NUP58: variants seen among roughly 807,000 people sequenced by gnomAD.
NUP58 encodes the protein nucleoporin p58/p45.
Under a neutral mutation model 70.1 loss-of-function variants are expected in NUP58, and 17 were observed. The observed-to-expected ratio is 0.24, with a 90% CI of 0.17 to 0.36. The LOEUF is 0.36. NUP58 is among the 10% of genes least tolerant of loss of function. NUP58 has a pLI of 1.00. For synonymous variants in NUP58, 275 were observed against 257.6 expected, an observed-to-expected ratio of 1.07 and a Z score of -0.65; for missense variants, 644 against 701.5, an observed-to-expected ratio of 0.92 and a Z score of 0.93.
chr13:25,335,833 A>AG (rs1261466010), intron 13 of NUP58: 2 of 1,007,166 alleles, frequency 2.0e-6, no homozygotes, highest in African/African-American at 3.5e-5. Context: ...TTACTTTGAC[A>AG]GTTCCCTCAT....
chr13:25,301,929 C>A, intron 1 of NUP58, 49 bp downstream of exon 1: 1 of 1,247,032 alleles, frequency 8.0e-7, no homozygotes, highest in Non-Finnish European at 1.1e-6. Context: ...CCCACCCCCA[C>A]CCCCGCAAAG....
intron 3 of NUP58, among the ~76,000 whole-genome samples, chr13:25,348,146 T>C (rs1001954049): frequency 2.6e-5 from 4 of 152,192 alleles, no homozygotes; most frequent in Admixed American, 6.6e-5. Flanking sequence ...TCTATTTAAA[T>C]TTAAAAACTG....
At chr13:25,339,293 T>TA (rs2031884784) in intron 15 of NUP58, among the ~76,000 whole-genome samples, 1 of 152,210 alleles carries the variant, frequency 6.6e-6, no homozygotes, top group Non-Finnish European at 1.5e-5. Flanking sequence ...TAGGGACAAA[T>TA]ACCATATCTA....
chr13:25,344,546 T>G (rs1339900363), downstream of NUP58, among the ~76,000 whole-genome samples: 3 of 152,220 alleles, frequency 2.0e-5, no homozygotes, highest in Non-Finnish European at 4.4e-5. Context: ...GTGGGGAGGC[T>G]ATTCTAGGAC....
intron 12 of NUP58, among the ~76,000 whole-genome samples, chr13:25,330,496 A>G (rs1254184648): frequency 6.6e-6 from 1 of 152,248 alleles, no homozygotes; most frequent in Non-Finnish European, 1.5e-5. Context: ...AATGTTTACT[A>G]ATTTCTGCTA....
intron 12 of NUP58, among the ~76,000 whole-genome samples, chr13:25,327,975 C>T (rs1191426688): frequency 1.3e-5 from 2 of 151,888 alleles, no homozygotes; most frequent in African/African-American, 4.8e-5. Flanking sequence ...CCGAGGCGGG[C>T]GAATCACAAA....
chr13:25,309,030 A>G (rs1402818281), intron 2 of NUP58, among the ~76,000 whole-genome samples: 1 of 152,210 alleles, frequency 6.6e-6, no homozygotes, highest in Non-Finnish European at 1.5e-5. Flanking sequence ...CATTTTATAA[A>G]TTTTATTCCT....
At chr13:25,317,196 C>T (rs1248059442) in intron 6 of NUP58, among the ~76,000 whole-genome samples, 1 of 152,090 alleles carries the variant, frequency 6.6e-6, no homozygotes, top group Non-Finnish European at 1.5e-5. Context: ...AGGACCTTGA[C>T]CCTTTTGAGG....
intron 1 of NUP58, among the ~76,000 whole-genome samples, chr13:25,303,942 A>G (rs1011950941): frequency 6.6e-6 from 1 of 152,230 alleles, no homozygotes; most frequent in Non-Finnish European, 1.5e-5. Context: ...TAAATTAATG[A>G]AAGAGGAGAC....
chr13:25,331,921 C>T (rs2031621654), intron 13 of NUP58: 1 of 1,061,308 alleles, frequency 9.4e-7, no homozygotes. Context: ...GATCATCCAT[C>T]CATTCTTTGA....
At chr13:25,306,356 T>C (rs2030357410) in intron 1 of NUP58, among the ~76,000 whole-genome samples, 2 of 140,972 alleles carry the variant, frequency 1.4e-5, no homozygotes, top group African/African-American at 5.4e-5. Context: ...GGAGTGCCAC[T>C]GCACTCCAGC....
chr13:25,334,288 G>A (rs2031709309), intron 13 of NUP58: 1 of 985,164 alleles, frequency 1.0e-6, no homozygotes, highest in African/African-American at 1.7e-5. Flanking sequence ...ATTTAGGATA[G>A]GTTTTTTAGC....
intron 7 of NUP58, 26 bp downstream of exon 7, chr13:25,319,376 G>C: frequency 6.3e-7 from 1 of 1,589,868 alleles, no homozygotes; most frequent in Non-Finnish European, 8.6e-7. Flanking sequence ...TACCCTTAAG[G>C]CATTTTAATT....
At chr13:25,329,329 C>A (rs112231738) in intron 12 of NUP58, among the ~76,000 whole-genome samples, 4 of 151,902 alleles carry the variant, frequency 2.6e-5, no homozygotes, top group African/African-American at 9.7e-5. Flanking sequence ...GCTTTTTTTC[C>A]CCCCACGAAG....
intron 13 of NUP58, chr13:25,335,520 C>T: frequency 1.0e-6 from 1 of 984,954 alleles, no homozygotes; most frequent in Non-Finnish European, 1.2e-6. Context: ...TAACATTTTA[C>T]AAAAGAGCTG....
chr13:25,302,252 C>G (rs1000787050), intron 1 of NUP58, among the ~76,000 whole-genome samples: 1 of 152,226 alleles, frequency 6.6e-6, no homozygotes, highest in African/African-American at 2.4e-5. Flanking sequence ...GAAATTATAG[C>G]ATACTGTGGA....
chr13:25,328,455 G>A (rs1371385928), intron 12 of NUP58, among the ~76,000 whole-genome samples: 1 of 146,466 alleles, frequency 6.8e-6, no homozygotes, highest in Non-Finnish European at 1.5e-5. Context: ...GAGTTCAGTG[G>A]CATGATCTTG....
intron 13 of NUP58, chr13:25,333,582 A>G (rs1023508479): frequency 2.0e-6 from 2 of 985,426 alleles, no homozygotes; most frequent in Non-Finnish European, 2.4e-6. Context: ...ATTTTACATT[A>G]TCTTTTCTTT....
At chr13:25,317,664 T>C (rs1351164395) in intron 6 of NUP58, 1 of 152,156 alleles carries the variant, frequency 6.6e-6, no homozygotes, top group Admixed American at 6.5e-5. Context: ...AATCCTTATT[T>C]TTATTTCCAT....
Sources: allele counts gnomAD v4.1 joint callset (sites outside exome capture counted in the v4.1 genomes callset), GRCh38; gene constraint gnomAD v4.1.1; transcripts MANE v1.5; gene names NCBI Gene and HGNC (gene_info 2026-07-23, HGNC 2026-07-21).